The following EFCC1 variants were observed in gnomAD, a reference collection of about 807,000 sequenced individuals.
The protein encoded by EFCC1 is EF-hand and coiled-coil domain containing 1.
EFCC1 carries 50 observed loss-of-function variants against 52.1 expected under a neutral mutation model. That is an observed-to-expected ratio of 0.96 (90% CI 0.76 to 1.21). The LOEUF is 1.21. Among genes scored for constraint, EFCC1 ranks in the 50% most tolerant of loss-of-function variants. The probability of loss-of-function intolerance (pLI) is 0.00; values close to 1 mark genes in which losing one functional copy is unlikely to be tolerated. For synonymous variants in EFCC1, 399 were observed against 396.5 expected (o/e 1.01, Z -0.08); for missense variants, 837 against 867.3 (o/e 0.97, Z 0.44).
intron 2 of EFCC1, among the ~76,000 whole-genome samples, chr3:129,011,341 A>G (rs1945317814): frequency 6.6e-6 from 1 of 152,192 alleles, no homozygotes; most frequent in African/African-American, 2.4e-5. Context: ...ACCTGAGGTC[A>G]GGAGTTCAAG....
In EFCC1 at chr3:129,035,751, T is replaced by A. The variant is rs1011163837; in HGVS notation, c.1453-1226T>A. 3.9e-5 allele frequency among the ~76,000 whole-genome samples: 6 copies of A among 152,242 alleles called. 1 individual carries two copies. In the Middle Eastern group the frequency reaches 0.01, roughly 259 times the overall value. On this transcript the variant is annotated intron_variant, in intron 5 of 7. Transcript: ENST00000683648. ...CCCAGAGAAGGCTGCTAACACCAAG[T>A]AGCATGGCATGGCGGTTATGTGCTG... is the stretch of plus-strand genomic sequence containing the variant.
intron 2 of EFCC1, 64 bp downstream of exon 2, chr3:129,004,141 G>A (rs1944950807): frequency 7.2e-7 from 1 of 1,392,228 alleles, no homozygotes; most frequent in African/African-American, 1.5e-5. Flanking sequence ...CCCAAACTTC[G>A]GGTGTGCAAT....
At chr3:129,012,065 A>G (rs1007562863) in intron 2 of EFCC1, among the ~76,000 whole-genome samples, 2 of 152,174 alleles carry the variant, frequency 1.3e-5, no homozygotes, top group African/African-American at 4.8e-5. Context: ...GGCAGCCACA[A>G]AGGACATGGG....
rs1408501336 is a variant in EFCC1, at chr3:129,039,871, C to T, written c.*23C>T. The T allele has an allele frequency of 6.3e-7, 1 of 1,581,970 alleles. No individual in the cohort carries two copies. The highest frequency in any genetic ancestry group is 1.1e-5 in the South Asian group (1 of 87,528). ...TGAGGTTACTGGCCCACCCTGTGGG[C>T]ACCCTGCTCAGCCTGACTGCCTTTG... On this transcript the variant is annotated 3_prime_UTR_variant, in exon 8 of 8. Transcript: ENST00000683648.
chr3:129,034,969 C>T (rs1194621290), intron 5 of EFCC1, among the ~76,000 whole-genome samples: 2 of 151,912 alleles, frequency 1.3e-5, no homozygotes, highest in African/African-American at 2.4e-5. Context: ...AAAGGGGGGC[C>T]GAGCATCCAG....
chr3:129,003,757 G>A, intron 1 of EFCC1, 37 bp from the exon 2 acceptor site: 1 of 1,356,394 alleles, frequency 7.4e-7, no homozygotes, highest in Non-Finnish European at 9.5e-7. Flanking sequence ...TCTGGCTGGG[G>A]CACTTACCCC....
chr3:129,040,001 C>A lies in EFCC1; in HGVS notation c.*153C>A, dbSNP rs1946404249. 13 of 1,052,304 alleles carry A rather than the reference C, an allele frequency of 1.2e-5. No homozygotes were observed. Among genetic ancestry groups the A allele is most frequent in the Middle Eastern group, 2.2e-4 (1 of 4,608 alleles). The allele number at this position is 1,052,304 out of a possible 1,614,324, so 65.2% of individuals were successfully genotyped here. On this transcript the variant is annotated 3_prime_UTR_variant, in exon 8 of 8. Transcript: ENST00000683648. The surrounding 1 kb of genome is among the most constrained non-coding windows in gnomAD (Gnocchi z 4.4). Reference sequence around the variant, plus strand: ...CTCCTTCCAAGGTTAAGCCCGAGCCCAGAGCCTCCCATTGCAGCACCTGGC... The same window carrying A: ...CTCCTTCCAAGGTTAAGCCCGAGCCAAGAGCCTCCCATTGCAGCACCTGGC...
intron 4 of EFCC1, among the ~76,000 whole-genome samples, chr3:129,033,172 G>A (rs114441516): frequency 1.2e-4 from 19 of 152,180 alleles, no homozygotes; most frequent in African/African-American, 4.3e-4. Context: ...GGCACATCTC[G>A]TGGCTGGCTT....
intron 5 of EFCC1, 108 bp from the exon 6 acceptor site, chr3:129,036,869 C>T: frequency 6.5e-7 from 1 of 1,544,316 alleles, no homozygotes; most frequent in South Asian, 1.2e-5. Flanking sequence ...ACACACTCAG[C>T]TTCTCTGGGC....
At chr3:129,012,818 C>T (rs1945388307) in intron 2 of EFCC1, among the ~76,000 whole-genome samples, 1 of 152,144 alleles carries the variant, frequency 6.6e-6, no homozygotes, top group South Asian at 2.1e-4. Context: ...AGTGAAAATT[C>T]AAGAAACATA....
chr3:129,033,048 G>C, intron 4 of EFCC1, 82 bp downstream of exon 4: 2 of 1,426,484 alleles, frequency 1.4e-6, no homozygotes, highest in Non-Finnish European at 1.8e-6. Flanking sequence ...CTGGGAGGCT[G>C]GTTAGCCTGG....
chr3:129,004,869 G>T (rs1202622306), intron 2 of EFCC1, among the ~76,000 whole-genome samples: 1 of 152,078 alleles, frequency 6.6e-6, no homozygotes, highest in Non-Finnish European at 1.5e-5. Flanking sequence ...TTCAAATCTT[G>T]GCAGGGCTTT....
At chr3:129,007,075 C>T (rs770904756) in intron 2 of EFCC1, among the ~76,000 whole-genome samples, 9 of 152,198 alleles carry the variant, frequency 5.9e-5, no homozygotes, top group Admixed American at 2.6e-4. Context: ...TGTGGCACAG[C>T]GACTTAGTGG....
chr3:129,003,307 C>T, intron 1 of EFCC1: 3 of 983,966 alleles, frequency 3.0e-6, no homozygotes, highest in Non-Finnish European at 3.6e-6. Context: ...TGAGCACCTA[C>T]TATGTGCCAG....
rs567986481 is a variant in EFCC1 at position 129,039,744 on chromosome 3, G to A, written c.1696G>A (p.Ala566Thr). 6.8e-6 allele frequency: 11 copies of A among 1,611,086 alleles called. No individual in the cohort carries two copies. In the East Asian group the frequency reaches 2.5e-4, roughly 36 times the overall value. The change falls in exon 8 of 8, where the codon GCC becomes ACC. Residue 566 changes from alanine (A) to threonine (T), a missense_variant. Transcript: ENST00000683648. The part of the protein sequence containing the change: ...GRPSPAAILD[A>T]LHQALAACQL... ...GCCCAGCCCTGCAGCCATCCTGGAT[G>A]CCCTGCACCAAGCCTTGGCTGCCTG... is the stretch of plus-strand genomic sequence containing the variant.
chr3:129,002,419 G>A, intron 1 of EFCC1, 95 bp downstream of exon 1: 1 of 1,425,148 alleles, frequency 7.0e-7, no homozygotes, highest in South Asian at 1.5e-5. Context: ...CAGAGTCAGA[G>A]GAAGGGGAGA....
chr3:129,008,882 C>T, intron 2 of EFCC1, among the ~76,000 whole-genome samples: 1 of 152,302 alleles, frequency 6.6e-6, no homozygotes, highest in East Asian at 1.9e-4. Flanking sequence ...TGCTTTCCCA[C>T]AGCTGGTCTC....
intron 2 of EFCC1, among the ~76,000 whole-genome samples, 188 bp downstream of exon 2, chr3:129,004,265 C>T (rs1163942193): frequency 6.6e-6 from 1 of 152,194 alleles, no homozygotes; most frequent in African/African-American, 2.4e-5. Flanking sequence ...CCATTGCTTG[C>T]TCTGCAACCA....
intron 4 of EFCC1, 71 bp from the exon 5 acceptor site, chr3:129,034,093 C>CT (rs750603534): frequency 6.3e-6 from 10 of 1,589,020 alleles, no homozygotes; most frequent in Non-Finnish European, 8.6e-6. Flanking sequence ...CCACCACCAC[C>CT]TCTCCAAGGC....
Sources: allele counts gnomAD v4.1 joint callset (sites outside exome capture counted in the v4.1 genomes callset), GRCh38; gene constraint gnomAD v4.1.1; non-coding constraint Gnocchi (gnomAD v3.1); transcripts MANE v1.5; gene names NCBI Gene and HGNC (gene_info 2026-07-23, HGNC 2026-07-21).